Variants in RASA2 observed in about 807,000 individuals in gnomAD.
RASA2 encodes ras GTPase-activating protein 2.
A neutral mutation model predicts 118.2 loss-of-function variants in RASA2; 155 were observed. The ratio of observed to expected loss-of-function variants is 1.31; its 90% confidence interval spans 1.15 to 1.50. The LOEUF (loss-of-function observed/expected upper bound fraction) is 1.50, where lower values mean the gene tolerates loss of function less well. Among genes scored for constraint, RASA2 ranks in the 40% most tolerant of loss-of-function variants. RASA2 has a pLI of 0.00. For synonymous variants in RASA2, 353 were observed against 349.1 expected (o/e 1.01, Z -0.12); for missense variants, 1,016 against 1,009.6 (o/e 1.01, Z -0.09).
chr3:141,507,919 G>A (rs1354648023), intron 1 of RASA2, among the ~76,000 whole-genome samples: 1 of 152,118 alleles, frequency 6.6e-6, no homozygotes, highest in African/African-American at 2.4e-5. Context: ...CTGCAGCACA[G>A]GAAGACATAC....
chr3:141,571,473 C>A lies in RASA2; in HGVS notation c.1088C>A (p.Pro363His). ...ICRDKNDAVL[P>H]LVRLLLHHDK... is the part of the protein sequence containing the mutation. ...CGAGATAAAAATGATGCTGTTTTGC[C>A]CCTTGTACGACTGCTGCTGCACCAT... is the stretch of plus-strand genomic sequence containing the variant. The change falls in exon 11 of 24, where the codon CCC becomes CAC. Residue 363 changes from proline to histidine, a missense_variant. By Grantham distance (77) the Pro-to-His change is moderately conservative (BLOSUM62 -2). Around this residue, in one of 2 missense-constraint regions of RASA2, gnomAD observed 896 missense variants for 836.4 expected, o/e 1.07. Coordinates refer to ENST00000286364, the MANE Select transcript of RASA2 (RefSeq NM_006506.5). The A allele has an allele frequency of 6.2e-7, 1 of 1,613,386 alleles. No homozygotes were observed. The highest frequency in any genetic ancestry group is 8.5e-7 in the Non-Finnish European group (1 of 1,179,590).
intron 19 of RASA2, among the ~76,000 whole-genome samples, chr3:141,588,064 C>T (rs1481492029): frequency 1.3e-5 from 2 of 152,102 alleles, no homozygotes; most frequent in Non-Finnish European, 2.9e-5. Flanking sequence ...AGGATGATTT[C>T]TCCAAAGTAA....
At chr3:141,546,856 TTTTA>T (rs2082493701) in intron 5 of RASA2, among the ~76,000 whole-genome samples, 1 of 152,344 alleles carries the variant, frequency 6.6e-6, no homozygotes, top group Admixed American at 6.5e-5. Flanking sequence ...TTTAATCCAT[TTTTA>T]TTTGATTTTT....
At chr3:141,573,857 C>T in intron 13 of RASA2, 87 bp from the exon 14 acceptor site, 2 of 1,184,376 alleles carry the variant, frequency 1.7e-6, no homozygotes, top group Non-Finnish European at 1.1e-6. Flanking sequence ...TCTAATAAAC[C>T]TCATTTTCTT....
At chr3:141,550,905 T>C (rs1451843988) in intron 5 of RASA2, among the ~76,000 whole-genome samples, 1 of 152,220 alleles carries the variant, frequency 6.6e-6, no homozygotes, top group Non-Finnish European at 1.5e-5. Flanking sequence ...TCCCCCAAAG[T>C]CTTAGCAAAT....
At chr3:141,537,676 G>A (rs982307211) in intron 4 of RASA2, among the ~76,000 whole-genome samples, 1 of 152,148 alleles carries the variant, frequency 6.6e-6, no homozygotes, top group African/African-American at 2.4e-5. Flanking sequence ...GGCTGAGGCA[G>A]GAGAATCGCT....
In RASA2 at chr3:141,566,502, T is replaced by C. The variant is rs560627387; in HGVS notation, c.864-4410T>C. On this transcript the variant is annotated intron_variant, in intron 9 of 23. Coordinates refer to ENST00000286364, the MANE Select transcript of RASA2 (RefSeq NM_006506.5). The stretch of plus-strand genomic sequence containing the variant: ...ATCTATAAAAGAGACTTAAGAATGC[T>C]ATTACCAATTCTAATCTATGGACCT... 2.6e-5 allele frequency among the ~76,000 whole-genome samples: 4 copies of C among 152,376 alleles called. No individual in the cohort carries two copies. The South Asian group carries it at 8.3e-4, about 32-fold the overall frequency.
intron 19 of RASA2, among the ~76,000 whole-genome samples, chr3:141,606,335 G>T (rs777501380): frequency 5.9e-5 from 9 of 151,986 alleles, no homozygotes; most frequent in Non-Finnish European, 8.8e-5. Flanking sequence ...ATGCATTTAT[G>T]ATTTATATTT....
At chr3:141,526,210 G>C (rs992257720) in intron 3 of RASA2, 16 of 152,264 alleles carry the variant, frequency 1.1e-4, no homozygotes, top group Admixed American at 9.8e-4. Flanking sequence ...CTCCTACCTG[G>C]TAGAGACTCA....
At chr3:141,581,674 T>G (rs2083115583) in intron 17 of RASA2, among the ~76,000 whole-genome samples, 2 of 152,302 alleles carry the variant, frequency 1.3e-5, no homozygotes, top group South Asian at 4.1e-4. Flanking sequence ...TGGTGCCTGA[T>G]GTAGAGTGGG....
chr3:141,555,533 T>G (rs2082636129), intron 6 of RASA2, among the ~76,000 whole-genome samples: 1 of 152,084 alleles, frequency 6.6e-6, no homozygotes, highest in Non-Finnish European at 1.5e-5. Flanking sequence ...ATTGTCTTCC[T>G]TCTATTTATT....
intron 2 of RASA2, among the ~76,000 whole-genome samples, chr3:141,515,905 A>T (rs969851953): frequency 2.0e-5 from 3 of 151,356 alleles, no homozygotes; most frequent in Non-Finnish European, 4.4e-5. Context: ...TCTCAAAAAA[A>T]AAAAAAAAAA....
intron 9 of RASA2, among the ~76,000 whole-genome samples, chr3:141,569,896 G>C (rs1225712640): frequency 3.9e-5 from 6 of 151,982 alleles, no homozygotes; most frequent in Admixed American, 2.6e-4. Context: ...TTGGTTTTCT[G>C]TTTCTGCATT....
intron 2 of RASA2, among the ~76,000 whole-genome samples, chr3:141,513,298 A>G (rs1486001427): frequency 1.3e-5 from 2 of 151,304 alleles, no homozygotes; most frequent in East Asian, 3.9e-4. Flanking sequence ...TTAAATATCT[A>G]TTGAATTCTT....
intron 19 of RASA2, among the ~76,000 whole-genome samples, chr3:141,599,311 T>C (rs1349224699): frequency 3.3e-5 from 5 of 149,886 alleles, no homozygotes; most frequent in African/African-American, 1.2e-4. Context: ...ACATAGGGCA[T>C]AACATTTTCA....
At chr3:141,490,921 C>G (rs1395982837) in intron 1 of RASA2, among the ~76,000 whole-genome samples, 1 of 152,160 alleles carries the variant, frequency 6.6e-6, no homozygotes, top group Non-Finnish European at 1.5e-5. Context: ...TCATCTCTGC[C>G]TGCTCTTTCT....
chr3:141,581,404 A>T (rs1055180654), intron 17 of RASA2, among the ~76,000 whole-genome samples: 1 of 152,208 alleles, frequency 6.6e-6, no homozygotes, highest in African/African-American at 2.4e-5. Flanking sequence ...TGCATTAGAA[A>T]CACAAATTAC....
chr3:141,555,974 T>C, intron 7 of RASA2, 62 bp downstream of exon 7: 1 of 1,300,766 alleles, frequency 7.7e-7, no homozygotes, highest in Non-Finnish European at 1.1e-6. Context: ...CTAGTTGATT[T>C]CTTTTTTCAA....
intron 5 of RASA2, among the ~76,000 whole-genome samples, chr3:141,545,612 T>G (rs1355865242): frequency 6.6e-6 from 1 of 151,870 alleles, no homozygotes; most frequent in Non-Finnish European, 1.5e-5. Flanking sequence ...CAGACCTGGC[T>G]AATTTTTGTA....
Sources: allele counts gnomAD v4.1 joint callset (sites outside exome capture counted in the v4.1 genomes callset), GRCh38; gene constraint gnomAD v4.1.1; regional missense constraint gnomAD v4.1.1; transcripts MANE v1.5; gene names NCBI Gene and HGNC (gene_info 2026-07-23, HGNC 2026-07-21).